NOTCH3: variants seen among roughly 807,000 people sequenced by gnomAD.
The protein encoded by NOTCH3 is notch receptor 3.
A neutral mutation model predicts 213.3 loss-of-function variants in NOTCH3; 86 were observed. The ratio of observed to expected loss-of-function variants is 0.40; its 90% CI spans 0.34 to 0.48. NOTCH3 has a LOEUF of 0.48. Among genes scored for constraint, NOTCH3 ranks in the 20% least tolerant of loss-of-function variants. The pLI is 0.57. For missense variants in NOTCH3, 2,783 were observed against 3,272.6 expected, an observed-to-expected ratio of 0.85 and a Z score of 3.65; for synonymous variants, 1,354 against 1,355.9, an observed-to-expected ratio of 1.00 and a Z score of 0.03.
At chr19:15,197,469 G>C in intron 2 of NOTCH3, 31 bp downstream of exon 2, 2 of 1,121,336 alleles carry the variant, frequency 1.8e-6, no homozygotes, top group Non-Finnish European at 2.6e-6. Flanking sequence ...CACACACAGG[G>C]CCCACTGGTG....
intron 20 of NOTCH3, chr19:15,179,790 G>T: frequency 3.4e-6 from 2 of 589,814 alleles, no homozygotes; most frequent in Non-Finnish European, 6.0e-6. Context: ...GGCTGAAGCA[G>T]AAGAATCACC....
In NOTCH3 at chr19:15,179,285, G is replaced by A. The variant is rs1568354957; in HGVS notation, c.3461-3C>T. Reference sequence around the variant, plus strand: ...CTCATTAATCTCGCAGAGCACCCCTGGGGGAAGAAACGAGGGGTGGTCAAG... The same window carrying A: ...CTCATTAATCTCGCAGAGCACCCCTAGGGGAAGAAACGAGGGGTGGTCAAG... On this transcript the variant is annotated splice_region_variant and splice_polypyrimidine_tract_variant and intron_variant, in intron 21 of 32. Transcript: ENST00000263388. The A allele has an allele frequency of 2.5e-6, 4 of 1,611,376 alleles. No homozygotes were observed. The highest frequency in any genetic ancestry group is 1.3e-5 in the African/African-American group (1 of 75,022).
intron 24 of NOTCH3, among the ~76,000 whole-genome samples, chr19:15,174,628 G>A (rs992518413): frequency 2.0e-5 from 3 of 151,154 alleles, no homozygotes; most frequent in African/African-American, 4.9e-5. Context: ...CCGGAATGCA[G>A]TAGCATGATC....
chr19:15,165,414 T>G lies in NOTCH3; in HGVS notation c.5769A>C (p.Glu1923Asp), dbSNP rs764749488. The G allele has an allele frequency of 6.2e-6, 10 of 1,611,206 alleles. No individual in the cohort carries two copies. The highest frequency in any genetic ancestry group is 8.5e-6 in the Non-Finnish European group (10 of 1,180,016). Residue 1923 changes from glutamate (E) to aspartate (D), a missense_variant, in exon 31 of 33, where the codon GAA (glutamate) becomes GAC (aspartate). Around this residue, in one of 6 missense-constraint regions of NOTCH3, gnomAD observed 636 missense variants for 801.8 expected, o/e 0.79. Coordinates refer to ENST00000263388, the MANE Select transcript of NOTCH3 (RefSeq NM_000435.3). The surrounding 1 kb of genome is among the most constrained non-coding windows in gnomAD (Gnocchi z 4.7). ...CATCAGCATGGCTGGCGATGAGCTC[T>G]TCCACCATGCCCTCTACTGCCAGGC... ...AARLAVEGMVEELIASHADVN... is the reference protein window; with the variant it reads ...AARLAVEGMVDELIASHADVN...
intron 1 of NOTCH3, among the ~76,000 whole-genome samples, chr19:15,199,178 T>G (rs985428305): frequency 1.3e-5 from 2 of 152,114 alleles, no homozygotes; most frequent in Admixed American, 1.3e-4. Context: ...TGTCTGTATG[T>G]GGATTTGGGC....
Position 15,165,375 on chromosome 19 carries a change from A to G in NOTCH3, c.5808T>C (p.Asp1936=). ...IASHADVNAV[D]ELGKSALHWA... Reference sequence around the variant, plus strand: ...ATTCCTCTGCCAACCTACCAAGCTCATCCACAGCATTGACATCAGCATGGC... The same window carrying G: ...ATTCCTCTGCCAACCTACCAAGCTCGTCCACAGCATTGACATCAGCATGGC... The change falls in exon 31 of 33, where the codon GAT becomes GAC. Residue 1936 remains aspartate, a synonymous_variant. Coordinates refer to ENST00000263388, the MANE Select transcript of NOTCH3 (RefSeq NM_000435.3). This position sits in a 1 kb window ranked among gnomAD's most constrained non-coding sequence, Gnocchi z 4.7. 6.2e-7 allele frequency: 1 copy of G among 1,606,368 alleles called. No individual in the cohort carries two copies.
At position 15,180,897 on chromosome 19, in the gene NOTCH3, T is replaced by A. The variant is rs535267398; in HGVS notation, c.2994+64A>T. ...AGTCTGGGAGAAACTGTGCCCCGAC[T>A]TGGCTTCTCCCTCCTAGGATCCCAG... is the stretch of plus-strand genomic sequence containing the variant. On this transcript the variant is annotated intron_variant, in intron 18 of 32. Transcript: ENST00000263388. The A allele has an allele frequency of 3.1e-6, 5 of 1,595,168 alleles. No individual in the cohort carries two copies. The East Asian group carries it at 1.1e-4, about 36-fold the overall frequency.
rs2046843707 is a variant in NOTCH3, at chr19:15,181,715, C to T, written c.2653G>A (p.Ala885Thr). Reference sequence around the variant, plus strand: ...CTCAGGCACTCATCCACATCGCGGGCGCATCGTGGGCCGGCGAAACCAGGG... The same window carrying T: ...CTCAGGCACTCATCCACATCGCGGGTGCATCGTGGGCCGGCGAAACCAGGG... ...CLPGFAGPRC[A>T]RDVDECLSNP... The change falls in exon 17 of 33, where the codon GCC (alanine) becomes ACC (threonine). Residue 885 changes from alanine to threonine, a missense_variant. This residue lies in a region of NOTCH3 where 861 missense variants were observed against 909.1 expected (regional missense o/e 0.95). Transcript: ENST00000263388. 6.4e-7 allele frequency: 1 copy of T among 1,569,296 alleles called. No homozygotes were observed. Among genetic ancestry groups the T allele is most frequent in the Non-Finnish European group, 8.6e-7 (1 of 1,156,668 alleles).
intron 2 of NOTCH3, among the ~76,000 whole-genome samples, chr19:15,193,058 G>A (rs1797516899): frequency 6.6e-6 from 1 of 152,188 alleles, no homozygotes; most frequent in African/African-American, 2.4e-5. Context: ...GCCAGGTCCA[G>A]GCAAGGAGAA....
intron 26 of NOTCH3, 45 bp downstream of exon 26, chr19:15,170,626 C>T (rs1330103677): frequency 1.3e-6 from 2 of 1,547,806 alleles, no homozygotes; most frequent in Non-Finnish European, 1.7e-6. Flanking sequence ...CTTCGGCCGC[C>T]CCCAGCTCCG....
rs1024501380 is a variant in NOTCH3, at chr19:15,181,736, C to G, written c.2632G>C (p.Gly878Arg). The change falls in exon 17 of 33, where the codon GGT becomes CGT. Residue 878 changes from glycine (G) to arginine (R), a missense_variant. Coordinates refer to ENST00000263388, the MANE Select transcript of NOTCH3 (RefSeq NM_000435.3). Reference sequence around the variant, plus strand: ...CGGGCGCATCGTGGGCCGGCGAAACCAGGGAGGCAGGAGCAGGAAAAGGAG... The same window carrying G: ...CGGGCGCATCGTGGGCCGGCGAAACGAGGGAGGCAGGAGCAGGAAAAGGAG... ...VGSFSCSCLP[G>R]FAGPRCARDV... is the part of the protein sequence containing the mutation. 24 of 1,574,546 alleles carry G rather than the reference C, an allele frequency of 1.5e-5. No homozygotes were observed. Among genetic ancestry groups the G allele is most frequent in the Non-Finnish European group, 2.1e-5 (24 of 1,159,636 alleles).
At position 15,180,153 on chromosome 19, in the gene NOTCH3, C is replaced by T. The variant is rs780533440; in HGVS notation, c.3246G>A (p.Glu1082=). The T allele has an allele frequency of 1.2e-6, 2 of 1,613,564 alleles. No homozygotes were observed. Among genetic ancestry groups the T allele is most frequent in the African/African-American group, 1.3e-5 (1 of 74,868 alleles). ...CPEGRTGSHC[E]QEVDPCLAQP... ...GGGCCAAGCAGGGGTCCACCTCCTGCTCACAGTGGCTACCAGTACGGCCCT... is the reference window on the plus strand; with the variant it reads ...GGGCCAAGCAGGGGTCCACCTCCTGTTCACAGTGGCTACCAGTACGGCCCT... The change falls in exon 20 of 33, where the codon GAG becomes GAA. Residue 1082 remains glutamate, a synonymous_variant. Transcript: ENST00000263388.
intron 2 of NOTCH3, among the ~76,000 whole-genome samples, chr19:15,194,021 G>C (rs562357754): frequency 1.3e-5 from 2 of 152,122 alleles, no homozygotes; most frequent in Non-Finnish European, 1.5e-5. Context: ...GGCGGAGGTT[G>C]CAGTAAGCCG....
chr19:15,180,969 G>A lies in NOTCH3; in HGVS notation c.2986C>T (p.Gln996Ter). ...CTCLESFTGP[Q>*]CQTLVDWCSR... is the part of the protein sequence containing the mutation. ...CCAGTAACTCCACCCACCTGGCACT[G>A]CGGGCCCGTGAAGCTCTCGAGGCAG... Residue 996 changes from glutamine (Q) to a stop codon, truncating the protein, a stop_gained, in exon 18 of 33, where the codon CAG becomes TAG. Transcript: ENST00000263388. LOFTEE classifies it high-confidence loss of function. 6.3e-7 allele frequency: 1 copy of A among 1,591,484 alleles called. No individual in the cohort carries two copies. The highest frequency in any genetic ancestry group is 8.5e-7 in the Non-Finnish European group (1 of 1,169,882).
In NOTCH3 at chr19:15,189,321, C is replaced by A. The variant is rs2145437046; in HGVS notation, c.1144G>T (p.Gly382Cys). The change falls in exon 7 of 33, where the codon GGC becomes TGC. Residue 382 changes from glycine to cysteine, a missense_variant. Gly to Cys is a radical substitution (Grantham distance 159). Transcript: ENST00000263388. ...TGGTCACATGCCCCACCCGTGAAGC[C>A]GGGAGGACAGGTGCAAATGGCCCGG... The part of the protein sequence containing the change: ...NGRAICTCPP[G>C]FTGGACDQDV... 2 of 1,614,088 alleles carry A rather than the reference C, an allele frequency of 1.2e-6. No homozygotes were observed. Among genetic ancestry groups the A allele is most frequent in the Non-Finnish European group, 1.7e-6 (2 of 1,180,032 alleles).
chr19:15,196,877 A>G (rs2046973831), intron 2 of NOTCH3, among the ~76,000 whole-genome samples: 1 of 152,132 alleles, frequency 6.6e-6, no homozygotes. Flanking sequence ...GCTCCTTCCC[A>G]GCCTCTGCTC....
At chr19:15,173,790 A>G (rs1445102443) in intron 25 of NOTCH3, among the ~76,000 whole-genome samples, 3 of 136,470 alleles carry the variant, frequency 2.2e-5, no homozygotes, top group Admixed American at 7.3e-5. Context: ...GAAGGAGAAG[A>G]AGAAGAAGAA....
At chr19:15,173,646 T>C (rs183122709) in intron 25 of NOTCH3, among the ~76,000 whole-genome samples, 1 of 150,302 alleles carries the variant, frequency 6.7e-6, no homozygotes, top group East Asian at 2.0e-4. Context: ...AGAGAATTGC[T>C]TGAACCCAGG....
At chr19:15,188,879 G>A in intron 8 of NOTCH3, 110 bp downstream of exon 8, 2 of 1,075,860 alleles carry the variant, frequency 1.9e-6, no homozygotes, top group Non-Finnish European at 2.7e-6. Flanking sequence ...AGTCTCTAAG[G>A]GTCCCACTCC....
Sources: allele counts gnomAD v4.1 joint callset (sites outside exome capture counted in the v4.1 genomes callset), GRCh38; gene constraint gnomAD v4.1.1; regional missense constraint gnomAD v4.1.1; non-coding constraint Gnocchi (gnomAD v3.1); transcripts MANE v1.5; gene names NCBI Gene and HGNC (gene_info 2026-07-23, HGNC 2026-07-21).